Variants in SLC8A3 observed in about 807,000 individuals in gnomAD.
The protein encoded by SLC8A3 is solute carrier family 8 member A3, also known as sodium/calcium exchanger 3.
Under a neutral mutation model 65.4 loss-of-function variants are expected in SLC8A3, and 37 were observed. That is an observed-to-expected ratio of 0.57 (90% CI 0.44 to 0.74). SLC8A3 has a LOEUF of 0.74. SLC8A3 is among the 30% of genes least tolerant of loss of function. The pLI is 0.00. For synonymous variants in SLC8A3, 461 were observed against 444.5 expected, an observed-to-expected ratio of 1.04 and a Z score of -0.47; for missense variants, 1,112 against 1,172.1, an observed-to-expected ratio of 0.95 and a Z score of 0.75.
At chr14:70,125,388 C>T (rs1052455595) in intron 2 of SLC8A3, among the ~76,000 whole-genome samples, 8 of 152,060 alleles carry the variant, frequency 5.3e-5, no homozygotes, top group African/African-American at 1.9e-4. Flanking sequence ...CATGCATATG[C>T]ATTATTTAGC....
At chr14:70,051,719 G>A (rs1887528722) in intron 4 of SLC8A3, among the ~76,000 whole-genome samples, 1 of 152,170 alleles carries the variant, frequency 6.6e-6, no homozygotes, top group East Asian at 1.9e-4. Flanking sequence ...TAAAAACACA[G>A]TTAAACAATA....
chr14:70,175,796 G>A (rs539235822), intron 1 of SLC8A3, among the ~76,000 whole-genome samples: 22 of 149,192 alleles, frequency 1.5e-4, no homozygotes, highest in East Asian at 1.4e-3. Flanking sequence ...GTGTAGTGGC[G>A]CAATCTCGGC....
chr14:70,137,759 C>A (rs1369123555), intron 2 of SLC8A3, among the ~76,000 whole-genome samples: 2 of 148,378 alleles, frequency 1.3e-5, no homozygotes, highest in African/African-American at 4.9e-5. Context: ...AACTCAACAG[C>A]CTCTCTGATT....
rs576653076 is a variant in SLC8A3 at position 70,172,634 on chromosome 14, G to T, written c.-62-4150C>A. 1.4e-3 allele frequency among the ~76,000 whole-genome samples: 212 copies of T among 151,112 alleles called. 1 individual carries two copies. The highest frequency in any genetic ancestry group is 4.9e-3 in the African/African-American group (201 of 41,004). On this transcript the variant is annotated intron_variant, in intron 1 of 6. Coordinates refer to ENST00000356921, the MANE Select transcript of SLC8A3 (RefSeq NM_182932.3). ...TTCAGTTTGACAAACATTGACAAAA[G>T]CCTGTGATTTGCTAGACCTGGTATT...
chr14:70,111,730 T>G (rs573468371), intron 2 of SLC8A3, among the ~76,000 whole-genome samples: 1 of 152,220 alleles, frequency 6.6e-6, no homozygotes, highest in East Asian at 1.9e-4. Flanking sequence ...TAAGGCTCAA[T>G]TGAGAAAGTG....
intron 2 of SLC8A3, among the ~76,000 whole-genome samples, chr14:70,125,175 T>C (rs1894357121): frequency 6.6e-6 from 1 of 152,270 alleles, no homozygotes; most frequent in Non-Finnish European, 1.5e-5. Flanking sequence ...TTTATTTATT[T>C]ATTTTTATTT....
Position 70,046,373 on chromosome 14 carries a change from A to G in SLC8A3, c.2390-50T>C. The G allele has an allele frequency of 6.5e-7, 1 of 1,531,526 alleles. No individual in the cohort carries two copies. The highest frequency in any genetic ancestry group is 8.8e-7 in the Non-Finnish European group (1 of 1,137,948). The allele number at this position is 1,531,526 out of a possible 1,614,324, so 94.9% of individuals were successfully genotyped here. A position where few individuals can be genotyped will look rare whatever the true frequency, so the allele number is the denominator to read the frequency against. On this transcript the variant is annotated intron_variant, in intron 6 of 6. Transcript: ENST00000356921. This position sits in a 1 kb window ranked among gnomAD's most constrained non-coding sequence, Gnocchi z 4.2. ...GAACTGGTAGGAGGCTAAGGTGTGCAGGGCTTGTCTTCCAGTATGCCCAAA... is the reference window on the plus strand; with the variant it reads ...GAACTGGTAGGAGGCTAAGGTGTGCGGGGCTTGTCTTCCAGTATGCCCAAA...
At chr14:70,092,736 G>C (rs1482241363) in intron 2 of SLC8A3, among the ~76,000 whole-genome samples, 1 of 152,076 alleles carries the variant, frequency 6.6e-6, no homozygotes, top group Non-Finnish European at 1.5e-5. Flanking sequence ...ACCAGTTTGA[G>C]AGAAAAAAGA....
chr14:70,110,001 T>C (rs549430398), intron 2 of SLC8A3, among the ~76,000 whole-genome samples: 44 of 152,320 alleles, frequency 2.9e-4, no homozygotes, highest in Admixed American at 1.6e-3. Flanking sequence ...TATGGAGACA[T>C]GTAGAATACA....
At chr14:70,060,980 G>A in intron 2 of SLC8A3, 41 bp from the exon 3 acceptor site, 1 of 938,898 alleles carries the variant, frequency 1.1e-6, no homozygotes, top group African/African-American at 1.6e-5. Context: ...GACTGGGTCG[G>A]TAGATTGGTT....
Position 70,044,766 on chromosome 14 carries a change from ATC to A in SLC8A3, c.*1179_*1180del, listed in dbSNP as rs1886569164. 1 of 152,130 alleles carries A rather than the reference ATC, an allele frequency of 6.6e-6. No homozygotes were observed. Among genetic ancestry groups the A allele is most frequent in the Non-Finnish European group, 1.5e-5 (1 of 68,040 alleles). The allele number at this position is 152,130 out of a possible 1,614,324, so 9.4% of individuals were successfully genotyped here. ...AGGGAGCCCCTGGTTCTCTTATAAAATCTCTAAGTTTTTACACCACTTCAAGA... is the reference window on the plus strand; with the variant it reads ...AGGGAGCCCCTGGTTCTCTTATAAAATCTAAGTTTTTACACCACTTCAAGA... On this transcript the variant is annotated 3_prime_UTR_variant, in exon 7 of 7. Coordinates refer to ENST00000356921, the MANE Select transcript of SLC8A3 (RefSeq NM_182932.3).
chr14:70,135,765 A>G (rs371579293), intron 2 of SLC8A3, among the ~76,000 whole-genome samples: 3 of 152,138 alleles, frequency 2.0e-5, no homozygotes, highest in African/African-American at 4.8e-5. Flanking sequence ...GGGAAGGAGG[A>G]CATAAAGAAA....
intron 2 of SLC8A3, among the ~76,000 whole-genome samples, chr14:70,100,488 T>A (rs1450538793): frequency 2.0e-5 from 3 of 152,204 alleles, no homozygotes; most frequent in African/African-American, 7.2e-5. Context: ...AAGATGCATT[T>A]TTGCAATAAG....
At chr14:70,111,603 T>A (rs897618393) in intron 2 of SLC8A3, among the ~76,000 whole-genome samples, 1 of 152,166 alleles carries the variant, frequency 6.6e-6, no homozygotes, top group Non-Finnish European at 1.5e-5. Flanking sequence ...ATAATAAAAA[T>A]ACAAAGAAGA....
chr14:70,135,815 G>A (rs1262157615), intron 2 of SLC8A3, among the ~76,000 whole-genome samples: 3 of 152,096 alleles, frequency 2.0e-5, no homozygotes, highest in African/African-American at 7.2e-5. Flanking sequence ...TCAACAGAAG[G>A]AATAAGTTCT....
At chr14:70,104,548 C>T (rs1892734128) in intron 2 of SLC8A3, among the ~76,000 whole-genome samples, 1 of 151,946 alleles carries the variant, frequency 6.6e-6, no homozygotes, top group African/African-American at 2.4e-5. Context: ...TTCTTATCTT[C>T]TTATCTCTGG....
intron 2 of SLC8A3, among the ~76,000 whole-genome samples, chr14:70,108,897 A>G (rs926821604): frequency 6.6e-6 from 1 of 152,126 alleles, no homozygotes; most frequent in Admixed American, 6.5e-5. Flanking sequence ...GGCCTTTGCA[A>G]ATGATGTTCC....
At chr14:70,145,744 C>A (rs578002622) in intron 2 of SLC8A3, among the ~76,000 whole-genome samples, 2 of 152,306 alleles carry the variant, frequency 1.3e-5, no homozygotes, top group East Asian at 3.9e-4. Context: ...AGAAAACCAT[C>A]CCAACACCCT....
intron 4 of SLC8A3, 41 bp downstream of exon 4, chr14:70,051,949 A>T: frequency 1.3e-6 from 2 of 1,572,900 alleles, no homozygotes; most frequent in Non-Finnish European, 1.7e-6. Flanking sequence ...CTCCCACTTT[A>T]ATTTATTTAT....
Sources: gnomAD v4.1 joint callset for allele counts (sites outside exome capture counted in the v4.1 genomes callset) on GRCh38, gnomAD v4.1.1 for gene constraint, Gnocchi (gnomAD v3.1) non-coding constraint, MANE v1.5 for transcripts, NCBI Gene and HGNC (gene_info 2026-07-23, HGNC 2026-07-21) for gene names.